CSN1S1: variants seen among roughly 807,000 people sequenced by gnomAD.
The protein encoded by CSN1S1 is alpha-S1-casein.
Under a neutral mutation model 49.1 loss-of-function variants are expected in CSN1S1, and 63 were observed. That is an observed-to-expected ratio of 1.28 (90% CI 1.05 to 1.58). The LOEUF is 1.58. Among genes scored for constraint, CSN1S1 ranks in the 40% most tolerant of loss-of-function variants. CSN1S1 has a pLI of 0.00. For missense variants in CSN1S1, 260 were observed against 224.7 expected, an observed-to-expected ratio of 1.16 and a Z score of -1.01; for synonymous variants, 78 against 67.1, an observed-to-expected ratio of 1.16 and a Z score of -0.79.
At chr4:69,943,277 G>A (rs572297230) in intron 14 of CSN1S1, among the ~76,000 whole-genome samples, 4 of 151,426 alleles carry the variant, frequency 2.6e-5, no homozygotes, top group South Asian at 4.2e-4. Flanking sequence ...TCTGCCTCCC[G>A]GGTTCTAGTG....
chr4:69,943,219 CTG>C (rs1723034669), intron 14 of CSN1S1, among the ~76,000 whole-genome samples: 1 of 151,016 alleles, frequency 6.6e-6, no homozygotes, highest in Non-Finnish European at 1.5e-5. Flanking sequence ...GATTCTCACA[CTG>C]TTGCTGAGCT....
Position 69,941,021 on chromosome 4 carries a change from A to G in CSN1S1, c.303A>G (p.Glu101=). Residue 101 remains glutamate, a splice_region_variant and synonymous_variant, in exon 12 of 16, where the codon GAA becomes GAG. Transcript: ENST00000246891. ...SEEMSLSKCA[E]QFCRLNEYNQ... The stretch of plus-strand genomic sequence containing the variant: ...AGAATATTTTTCTTTTTAAATAGGA[A>G]CAGTTTTGTAGACTGAACGAATACA... 1 of 1,507,720 alleles carries G rather than the reference A, an allele frequency of 6.6e-7. No individual in the cohort carries two copies. Among genetic ancestry groups the G allele is most frequent in the Non-Finnish European group, 9.1e-7 (1 of 1,103,938 alleles). 93.4% of individuals were successfully genotyped at this position (1,507,720 alleles called of 1,614,324 possible).
At chr4:69,938,133 A>G (rs1485904002) in intron 9 of CSN1S1, among the ~76,000 whole-genome samples, 1 of 151,854 alleles carries the variant, frequency 6.6e-6, no homozygotes, top group Non-Finnish European at 1.5e-5. Flanking sequence ...AATAAAAACA[A>G]AAGGTGCATG....
Position 69,934,719 on chromosome 4 carries a change from T to A in CSN1S1, c.105+9T>A. On this transcript the variant is annotated intron_variant, in intron 4 of 15. Coordinates refer to ENST00000246891, the MANE Select transcript of CSN1S1 (RefSeq NM_001890.2). The stretch of plus-strand genomic sequence containing the variant: ...CATCAGAGAGCAGTGAGGTAAGCTC[T>A]GTTTATGGGGAGTCAGGATTCTCTC... The A allele has an allele frequency of 6.2e-7, 1 of 1,608,182 alleles. No individual in the cohort carries two copies. Among genetic ancestry groups the A allele is most frequent in the Non-Finnish European group, 8.5e-7 (1 of 1,175,570 alleles).
At chr4:69,944,339 T>A in intron 14 of CSN1S1, among the ~76,000 whole-genome samples, 1 of 151,980 alleles carries the variant, frequency 6.6e-6, no homozygotes, top group Non-Finnish European at 1.5e-5. Flanking sequence ...GCCCCAAAAC[T>A]CTAGTGTTTG....
chr4:69,932,224 C>A (rs915863292), intron 1 of CSN1S1, among the ~76,000 whole-genome samples: 1 of 151,638 alleles, frequency 6.6e-6, no homozygotes, highest in African/African-American at 2.4e-5. Context: ...TCAATATTAG[C>A]ACTTCTTTAT....
chr4:69,934,714 A>T lies in CSN1S1; in HGVS notation c.105+4A>T, dbSNP rs1329928875. The T allele has an allele frequency of 6.2e-7, 1 of 1,609,164 alleles. No homozygotes were observed. The highest frequency in any genetic ancestry group is 1.7e-5 in the Admixed American group (1 of 59,742). Reference sequence around the variant, plus strand: ...GAATCCATCAGAGAGCAGTGAGGTAAGCTCTGTTTATGGGGAGTCAGGATT... The same window carrying T: ...GAATCCATCAGAGAGCAGTGAGGTATGCTCTGTTTATGGGGAGTCAGGATT... On this transcript the variant is annotated splice_donor_region_variant and intron_variant, in intron 4 of 15. Coordinates refer to ENST00000246891, the MANE Select transcript of CSN1S1 (RefSeq NM_001890.2).
intron 7 of CSN1S1, 37 bp downstream of exon 7, chr4:69,936,644 A>T: frequency 2.6e-6 from 4 of 1,561,744 alleles, no homozygotes; most frequent in Non-Finnish European, 3.5e-6. Flanking sequence ...TGGCAAAAGT[A>T]TATATTCTTG....
intron 8 of CSN1S1, among the ~76,000 whole-genome samples, chr4:69,937,536 A>C (rs116523917): frequency 0.017 from 2,596 of 151,500 alleles, 66 homozygotes; most frequent in African/African-American, 0.06. Flanking sequence ...GGAAAGCAAA[A>C]AGTCATGCTG....
intron 14 of CSN1S1, 147 bp downstream of exon 14, chr4:69,942,724 C>G: frequency 1.5e-6 from 1 of 647,030 alleles, no homozygotes; most frequent in Non-Finnish European, 2.7e-6. Flanking sequence ...CTGACAACTT[C>G]TAAGCATATG....
intron 5 of CSN1S1, 53 bp from the exon 6 acceptor site, chr4:69,936,403 C>T: frequency 1.5e-6 from 2 of 1,316,402 alleles, no homozygotes; most frequent in Non-Finnish European, 2.2e-6. Flanking sequence ...GATTTCCACT[C>T]ATGTATGTCT....
intron 1 of CSN1S1, among the ~76,000 whole-genome samples, chr4:69,932,084 G>A (rs1208568729): frequency 6.6e-6 from 1 of 151,852 alleles, no homozygotes; most frequent in Non-Finnish European, 1.5e-5. Context: ...AGATTTAAAA[G>A]AGAAGCTCAT....
chr4:69,941,133 G>T, intron 12 of CSN1S1, 73 bp downstream of exon 12: 2 of 638,964 alleles, frequency 3.1e-6, no homozygotes, highest in Non-Finnish European at 5.0e-6. Flanking sequence ...TTTAAATTGG[G>T]GCCATTTCTA....
chr4:69,935,082 G>GT (rs1722727261), intron 4 of CSN1S1, among the ~76,000 whole-genome samples: 2 of 151,936 alleles, frequency 1.3e-5, no homozygotes, highest in East Asian at 1.9e-4. Context: ...GAATAATGTG[G>GT]TTTTTTGGTG....
rs1722765552 is a variant in CSN1S1 at position 69,935,933 on chromosome 4, C to A, written c.113C>A (p.Pro38Gln). The A allele has an allele frequency of 1.3e-6, 2 of 1,532,302 alleles. No homozygotes were observed. The highest frequency in any genetic ancestry group is 1.4e-5 in the African/African-American group (1 of 72,380). 94.9% of individuals were successfully genotyped at this position (1,532,302 alleles called of 1,614,324 possible). A position where few individuals can be genotyped will look rare whatever the true frequency, so the allele number is the denominator to read the frequency against. The change falls in exon 5 of 16, where the codon CCA becomes CAA. Residue 38 changes from proline (P) to glutamine (Q), a missense_variant. Coordinates refer to ENST00000246891, the MANE Select transcript of CSN1S1 (RefSeq NM_001890.2). ...QNPSESSEPI[P>Q]LESREEYMNG... ...TAACTTTTTTTTTTGTAGCCTATAC[C>A]ATTAGAATCAAGAGAGGTAAGAATG... is the stretch of plus-strand genomic sequence containing the variant.
intron 15 of CSN1S1, among the ~76,000 whole-genome samples, chr4:69,945,751 A>T (rs1723141362): frequency 6.6e-6 from 1 of 151,994 alleles, no homozygotes; most frequent in African/African-American, 2.4e-5. Context: ...ATCCTTAACA[A>T]GTCACATAGA....
chr4:69,938,586 G>A (rs1471900620), intron 9 of CSN1S1, among the ~76,000 whole-genome samples: 1 of 151,556 alleles, frequency 6.6e-6, no homozygotes, highest in African/African-American at 2.4e-5. Flanking sequence ...GATAAAGTCT[G>A]TTGAATATTA....
intron 6 of CSN1S1, 29 bp downstream of exon 6, chr4:69,936,508 T>C (rs1722789854): frequency 1.8e-5 from 28 of 1,589,038 alleles, no homozygotes; most frequent in Non-Finnish European, 2.4e-5. Context: ...ATTTAAATTA[T>C]GTTAAAAGTT....
intron 14 of CSN1S1, among the ~76,000 whole-genome samples, chr4:69,943,278 G>T (rs1128576): frequency 6.6e-6 from 1 of 151,420 alleles, no homozygotes; most frequent in Admixed American, 6.6e-5. Context: ...CTGCCTCCCG[G>T]GTTCTAGTGA....
Sources: gnomAD v4.1 joint callset for allele counts (sites outside exome capture counted in the v4.1 genomes callset) on GRCh38, gnomAD v4.1.1 for gene constraint, MANE v1.5 for transcripts, NCBI Gene and HGNC (gene_info 2026-07-23, HGNC 2026-07-21) for gene names.